Variants in SLAIN2 observed in about 807,000 individuals in gnomAD.
SLAIN2 encodes SLAIN motif-containing protein 2.
SLAIN2 carries 31 observed loss-of-function variants against 56.6 expected under a neutral mutation model. The ratio of observed to expected loss-of-function variants is 0.55; its 90% CI spans 0.41 to 0.74. The LOEUF is 0.74. SLAIN2 is among the 30% of genes least tolerant of loss of function. The pLI is 0.00. For missense variants in SLAIN2, 777 were observed against 754.2 expected (o/e 1.03, Z -0.35); for synonymous variants, 317 against 284.9 (o/e 1.11, Z -1.13).
At chr4:48,404,132 A>G (rs1225045141) in intron 6 of SLAIN2, among the ~76,000 whole-genome samples, 1 of 152,090 alleles carries the variant, frequency 6.6e-6, no homozygotes, top group East Asian at 1.9e-4. Context: ...TGGATACCTC[A>G]GTTCAAGGTG....
chr4:48,380,816 TTC>T (rs1715952917), intron 4 of SLAIN2, among the ~76,000 whole-genome samples: 1 of 152,138 alleles, frequency 6.6e-6, no homozygotes, highest in African/African-American at 2.4e-5. Flanking sequence ...TTCAAAAACT[TTC>T]TGTTGTCTGT....
chr4:48,401,339 C>G (rs1182685364), intron 6 of SLAIN2, among the ~76,000 whole-genome samples: 1 of 152,156 alleles, frequency 6.6e-6, no homozygotes, highest in Non-Finnish European at 1.5e-5. Context: ...TGTTAATTTT[C>G]TGTCTCGATG....
At chr4:48,384,525 T>G (rs1716052623) in intron 6 of SLAIN2, among the ~76,000 whole-genome samples, 1 of 152,210 alleles carries the variant, frequency 6.6e-6, no homozygotes, top group Non-Finnish European at 1.5e-5. Context: ...TAAGAATTGA[T>G]CAGGACTTGT....
chr4:48,377,336 ATTTTTT>A (rs34493417), intron 2 of SLAIN2, among the ~76,000 whole-genome samples: 3 of 117,502 alleles, frequency 2.6e-5, no homozygotes, highest in Non-Finnish European at 5.1e-5. Context: ...TGCCTGGCTA[ATTTTTT>A]TTTTTTTTTT....
intron 2 of SLAIN2, among the ~76,000 whole-genome samples, chr4:48,376,892 TGAGCCACCGCGCCC>T (rs909799106): frequency 2.0e-5 from 3 of 146,908 alleles, no homozygotes; most frequent in African/African-American, 7.5e-5. Flanking sequence ...ATTACAAGCG[TGAGCCACCGCGCCC>T]GGCCGACTTT....
intron 6 of SLAIN2, among the ~76,000 whole-genome samples, chr4:48,389,545 C>A (rs1716181194): frequency 6.6e-6 from 1 of 152,174 alleles, no homozygotes; most frequent in African/African-American, 2.4e-5. Flanking sequence ...AGACAGGAAC[C>A]TCTGTGGGAA....
rs183218740 is a variant in SLAIN2, at chr4:48,352,051, G to A, written c.389+9923G>A. Among the ~76,000 whole-genome samples the A allele has an allele frequency of 2.0e-5, 3 of 152,308 alleles. No homozygotes were observed. The East Asian group carries it at 5.8e-4, about 29-fold the overall frequency. The stretch of plus-strand genomic sequence containing the variant: ...AACAAGTGAGAAAGCTGAATCATTG[G>A]GTTGGAGATCATACTGTGAATGGCC... On this transcript the variant is annotated intron_variant, in intron 1 of 7. Coordinates refer to ENST00000264313, the MANE Select transcript of SLAIN2 (RefSeq NM_020846.2).
At chr4:48,359,218 T>C (rs1191779477) in intron 1 of SLAIN2, among the ~76,000 whole-genome samples, 1 of 152,224 alleles carries the variant, frequency 6.6e-6, no homozygotes, top group Admixed American at 6.5e-5. Context: ...TTGGGGATTC[T>C]GCATTGAACG....
At chr4:48,360,679 A>G (rs972196379) in intron 1 of SLAIN2, among the ~76,000 whole-genome samples, 2 of 152,358 alleles carry the variant, frequency 1.3e-5, no homozygotes. Context: ...TATTCACAGA[A>G]TAGTACAACC....
At chr4:48,357,172 A>G (rs1284842821) in intron 1 of SLAIN2, among the ~76,000 whole-genome samples, 1 of 151,750 alleles carries the variant, frequency 6.6e-6, no homozygotes, top group African/African-American at 2.4e-5. Context: ...CTGATGGGCC[A>G]AATATAATAA....
chr4:48,364,499 C>T lies in SLAIN2; in HGVS notation c.390-5350C>T, dbSNP rs1256225730. Among the ~76,000 whole-genome samples the T allele has an allele frequency of 6.5e-5, 4 of 61,558 alleles. 1 individual carries two copies. The highest frequency in any genetic ancestry group is 1.5e-4 in the Non-Finnish European group (4 of 26,596). The allele number at this position is 61,558 out of a possible 152,430, so 40.4% of individuals were successfully genotyped here. Reference sequence around the variant, plus strand: ...GGCGGCCGGGCAGAGGCTGCAATCTCGGCACTTTGGGAGGCCAAGGCAGGC... The same window carrying T: ...GGCGGCCGGGCAGAGGCTGCAATCTTGGCACTTTGGGAGGCCAAGGCAGGC... On this transcript the variant is annotated intron_variant, in intron 1 of 7. Coordinates refer to ENST00000264313, the MANE Select transcript of SLAIN2 (RefSeq NM_020846.2).
chr4:48,373,313 G>A (rs192060050), intron 2 of SLAIN2, among the ~76,000 whole-genome samples: 2 of 151,996 alleles, frequency 1.3e-5, no homozygotes, highest in African/African-American at 2.4e-5. Flanking sequence ...TTCTGTACCC[G>A]TGTTAACCAA....
chr4:48,370,079 G>C (rs1715624721), intron 2 of SLAIN2, 82 bp downstream of exon 2: 3 of 1,382,716 alleles, frequency 2.2e-6, no homozygotes, highest in Non-Finnish European at 3.0e-6. Context: ...TGTGTTTTTA[G>C]GAAGCAATTC....
chr4:48,347,575 G>A (rs1459992812), intron 1 of SLAIN2, among the ~76,000 whole-genome samples: 1 of 152,120 alleles, frequency 6.6e-6, no homozygotes, highest in Non-Finnish European at 1.5e-5. Context: ...ATCATTTAAT[G>A]TGTACAATTT....
chr4:48,394,729 G>T, intron 6 of SLAIN2: 1 of 1,132,216 alleles, frequency 8.8e-7, no homozygotes, highest in African/African-American at 1.6e-5. Flanking sequence ...GGCATACTGA[G>T]TCAGTGGTGT....
chr4:48,418,074 T>TTTCTTCTTC (rs144101218), intron 6 of SLAIN2, among the ~76,000 whole-genome samples: 1 of 151,386 alleles, frequency 6.6e-6, no homozygotes, highest in Non-Finnish European at 1.5e-5. Context: ...TTTATTATTA[T>TTTCTTCTTC]TTCTTCTTCT....
chr4:48,412,462 G>A lies in SLAIN2; in HGVS notation c.1361-7663G>A. On this transcript the variant is annotated intron_variant, in intron 6 of 7. Coordinates refer to ENST00000264313, the MANE Select transcript of SLAIN2 (RefSeq NM_020846.2). ...CTGTGTCTCAGCTTTGGCACCCAAA[G>A]GGTGGCTAAGGTTTTCAGTTGAATA... Among the ~76,000 whole-genome samples the A allele has an allele frequency of 1.4e-5, 2 of 143,028 alleles. 1 individual carries two copies. The highest frequency in any genetic ancestry group is 6.8e-3 in the Middle Eastern group (2 of 296). 93.8% of individuals were successfully genotyped at this position (143,028 alleles called of 152,430 possible). A position where few individuals can be genotyped will look rare whatever the true frequency, so the allele number is the denominator to read the frequency against.
chr4:48,344,400 A>G (rs555219712), intron 1 of SLAIN2, among the ~76,000 whole-genome samples: 11 of 152,324 alleles, frequency 7.2e-5, no homozygotes, highest in African/African-American at 2.6e-4. Context: ...CTTTTCATCT[A>G]GAGGAATGTT....
chr4:48,350,125 A>G (rs1215222756), intron 1 of SLAIN2, among the ~76,000 whole-genome samples: 1 of 152,240 alleles, frequency 6.6e-6, no homozygotes, highest in Non-Finnish European at 1.5e-5. Context: ...GTCTGTTTTC[A>G]TGAAAAACAC....
Sources: allele counts gnomAD v4.1 joint callset (sites outside exome capture counted in the v4.1 genomes callset), GRCh38; gene constraint gnomAD v4.1.1; transcripts MANE v1.5; gene names NCBI Gene and HGNC (gene_info 2026-07-23, HGNC 2026-07-21).